The following SPEG variants were observed in gnomAD, a reference collection of about 807,000 sequenced individuals.
SPEG encodes striated muscle preferentially expressed protein kinase.
In SPEG, 114 loss-of-function variants were observed where a neutral mutation model predicts 300.4. The ratio of observed to expected loss-of-function variants is 0.38; its 90% confidence interval spans 0.33 to 0.44. The LOEUF is 0.44. Ranked by LOEUF, SPEG falls within the 20% of genes least tolerant of loss-of-function variation. The probability of loss-of-function intolerance (pLI) is 1.00; values close to 1 mark genes in which losing one functional copy is unlikely to be tolerated. For missense variants in SPEG, 4,201 were observed against 4,586.2 expected (o/e 0.92, Z 2.43); for synonymous variants, 1,964 against 2,018.9 (o/e 0.97, Z 0.73).
At chr2:219,441,083 A>G (rs1688887091) in intron 1 of SPEG, among the ~76,000 whole-genome samples, 2 of 152,232 alleles carry the variant, frequency 1.3e-5, no homozygotes, top group Admixed American at 6.5e-5. Flanking sequence ...AAATGAGGTA[A>G]CATTTGTAAA....
Position 219,451,376 on chromosome 2 carries a change from G to A in SPEG, c.2257+97G>A. 2 of 1,447,854 alleles carry A rather than the reference G, an allele frequency of 1.4e-6. No individual in the cohort carries two copies. The highest frequency in any genetic ancestry group is 1.8e-6 in the Non-Finnish European group (2 of 1,087,176). 89.7% of individuals were successfully genotyped at this position (1,447,854 alleles called of 1,614,324 possible). On this transcript the variant is annotated intron_variant, in intron 5 of 40. Coordinates refer to ENST00000312358, the MANE Select transcript of SPEG (RefSeq NM_005876.5). This position sits in a 1 kb window ranked among gnomAD's most constrained non-coding sequence, Gnocchi z 6.4. Reference sequence around the variant, plus strand: ...CCCCGGACTCCTCCAAGGGAGGGGTGGGAAAGAGGGGAATTATCCCCTCCA... The same window carrying A: ...CCCCGGACTCCTCCAAGGGAGGGGTAGGAAAGAGGGGAATTATCCCCTCCA...
In SPEG at chr2:219,489,849, G is replaced by C. The variant is rs1232417241; in HGVS notation, c.8831G>C (p.Ser2944Thr). Reference protein sequence around the residue: ...PAKEVVSSPGSSPRSSPRPEG... With the variant: ...PAKEVVSSPGTSPRSSPRPEG... ...AAGGAGGTGGTCAGCTCCCCTGGGAGCAGTCCCCGAAGCTCTCCCAGGCCT... is the reference window on the plus strand; with the variant it reads ...AAGGAGGTGGTCAGCTCCCCTGGGACCAGTCCCCGAAGCTCTCCCAGGCCT... The change falls in exon 36 of 41, where the codon AGC becomes ACC. Residue 2944 changes from serine to threonine, a missense_variant. Ser to Thr is a moderately conservative substitution (Grantham distance 58). Coordinates refer to ENST00000312358, the MANE Select transcript of SPEG (RefSeq NM_005876.5). The C allele has an allele frequency of 6.2e-7, 1 of 1,612,778 alleles. No homozygotes were observed. The highest frequency in any genetic ancestry group is 1.3e-5 in the African/African-American group (1 of 74,908).
In SPEG at chr2:219,445,244, A is replaced by G. The variant is rs1293589057; in HGVS notation, c.815+83A>G. 1 of 1,256,366 alleles carries G rather than the reference A, an allele frequency of 8.0e-7. No homozygotes were observed. The highest frequency in any genetic ancestry group is 1.1e-6 in the Non-Finnish European group (1 of 882,852). 77.8% of individuals were successfully genotyped at this position (1,256,366 alleles called of 1,614,324 possible). Reference sequence around the variant, plus strand: ...TGCCCTCACTGCTCAGTCAGCCTCCACCCATCACCCTGCCCCATCCATCTC... The same window carrying G: ...TGCCCTCACTGCTCAGTCAGCCTCCGCCCATCACCCTGCCCCATCCATCTC... On this transcript the variant is annotated intron_variant, in intron 3 of 40. Transcript: ENST00000312358. The surrounding 1 kb of genome is among the most constrained non-coding windows in gnomAD (Gnocchi z 6.1).
At position 219,488,196 on chromosome 2, in the gene SPEG, T is replaced by C. The variant is rs557038705; in HGVS notation, c.7744T>C (p.Phe2582Leu). ...GHQYVRSESD[F>L]PPVFHIKLKD... ...GGCTGTCTCTGCTTTTCCTCCAGAC[T>C]TCCCCCCAGTCTTCCACATCAAACT... The change falls in exon 32 of 41, where the codon TTC becomes CTC. Residue 2582 changes from phenylalanine (F) to leucine (L), a missense_variant and splice_region_variant. Physicochemically the swap from Phe to Leu is conservative, Grantham distance 22. This residue lies in a region of SPEG where 1,578 missense variants were observed against 1,506.0 expected (regional missense o/e 1.05). Transcript: ENST00000312358. The C allele has an allele frequency of 3.1e-6, 5 of 1,610,260 alleles. No individual in the cohort carries two copies. The highest frequency in any genetic ancestry group is 4.5e-5 in the East Asian group (2 of 44,754).
At chr2:219,466,435 T>C (rs1015264050) in intron 9 of SPEG, 23 of 1,249,606 alleles carry the variant, frequency 1.8e-5, no homozygotes, top group South Asian at 2.1e-5. Context: ...TGTCTGTGTG[T>C]CTGTGACAGT....
chr2:219,481,278 C>T lies in SPEG; in HGVS notation c.5370-26C>T, dbSNP rs774924669. ...TTCCCCTTTGTCCCCGCCTGCCCCT[C>T]ATGACAGCCCTCTTCACCCCTGCAG... On this transcript the variant is annotated intron_variant, in intron 26 of 40. Coordinates refer to ENST00000312358, the MANE Select transcript of SPEG (RefSeq NM_005876.5). This position sits in a 1 kb window ranked among gnomAD's most constrained non-coding sequence, Gnocchi z 5.4. The T allele has an allele frequency of 2.5e-6, 4 of 1,611,228 alleles. No homozygotes were observed. In the South Asian group the frequency reaches 4.4e-5, roughly 18 times the overall value.
At chr2:219,452,301 A>G (rs1232618032) in intron 6 of SPEG, among the ~76,000 whole-genome samples, 1 of 152,126 alleles carries the variant, frequency 6.6e-6, no homozygotes, top group Non-Finnish European at 1.5e-5. Flanking sequence ...CAAAGTTGTA[A>G]AAAGGGTACA....
rs369454020 is a variant in SPEG, at chr2:219,467,223, G to A, written c.2931G>A (p.Val977=). Residue 977 remains valine, a synonymous_variant, in exon 10 of 41, where the codon GTG becomes GTA. Transcript: ENST00000312358. ...CCGTGCTGGCCCCCCTGCAGGACGT[G>A]GACGTGGGGGCCGGGGAGATGGCGC... ...SLAVLAPLQD[V]DVGAGEMALF... 1.9e-5 allele frequency: 31 copies of A among 1,598,792 alleles called. No individual in the cohort carries two copies. Among genetic ancestry groups the A allele is most frequent in the Non-Finnish European group, 2.6e-5 (31 of 1,174,022 alleles).
rs2125218919 is a variant in SPEG at position 219,441,737 on chromosome 2, T to C, written c.389-2916T>C. On this transcript the variant is annotated intron_variant, in intron 1 of 40. Transcript: ENST00000312358. The stretch of plus-strand genomic sequence containing the variant: ...GGTGGGGGTCCGTGGCTCTCGGCGT[T>C]AGGAGGTGACCGGTGGTCGTGTAGG... 22 of 380,950 alleles carry C rather than the reference T, an allele frequency of 5.8e-5. 1 individual carries two copies. The highest frequency in any genetic ancestry group is 4.2e-4 in the South Asian group (22 of 52,072). 23.6% of individuals were successfully genotyped at this position (380,950 alleles called of 1,614,324 possible).
chr2:219,471,637 C>A (rs968889353), intron 13 of SPEG: 6 of 567,656 alleles, frequency 1.1e-5, no homozygotes, highest in Non-Finnish European at 1.9e-5. Flanking sequence ...GAGGGACAGA[C>A]CAGAGGGGCC....
rs1314505750 is a variant in SPEG at position 219,464,234 on chromosome 2, C to T, written c.2706-199C>T. Among the ~76,000 whole-genome samples, 1 of 152,024 alleles carries T rather than the reference C, an allele frequency of 6.6e-6. No homozygotes were observed. The highest frequency in any genetic ancestry group is 1.5e-5 in the Non-Finnish European group (1 of 68,002). ...GGCAGTTAGAAGTGACCTGGAAGCT[C>T]CTAGAGGTGGGTGGGATGGCAGAGT... On this transcript the variant is annotated intron_variant, in intron 8 of 40. Transcript: ENST00000312358. The surrounding 1 kb of genome is among the most constrained non-coding windows in gnomAD (Gnocchi z 4.5).
chr2:219,483,482 C>A lies in SPEG; in HGVS notation c.6019C>A (p.Arg2007=). The change falls in exon 30 of 41, where the codon CGG becomes AGG. Residue 2007 remains arginine, a synonymous_variant. Coordinates refer to ENST00000312358, the MANE Select transcript of SPEG (RefSeq NM_005876.5). ...QEPAAGASPR[R]GELRRGSSAE... ...GCCCGCAGCTGGGGCTAGCCCCAGG[C>A]GGGGAGAGCTCCGCAGGGGCAGCTC... The A allele has an allele frequency of 6.9e-7, 1 of 1,453,884 alleles. No individual in the cohort carries two copies. The highest frequency in any genetic ancestry group is 9.0e-7 in the Non-Finnish European group (1 of 1,114,312). 90.1% of individuals were successfully genotyped at this position (1,453,884 alleles called of 1,614,324 possible). A position where few individuals can be genotyped will look rare whatever the true frequency, so the allele number is the denominator to read the frequency against.
At position 219,445,002 on chromosome 2, in the gene SPEG, G is replaced by C. The variant is rs774031648; in HGVS notation, c.656G>C (p.Gly219Ala). The C allele has an allele frequency of 1.1e-4, 179 of 1,611,112 alleles. 1 individual carries two copies. The highest frequency in any genetic ancestry group is 5.6e-4 in the South Asian group (51 of 90,934). The part of the protein sequence containing the change: ...PGSPRQAQAT[G>A]AGPRHLGVEP... ...AGCCCAAGGCAAGCACAGGCAACCG[G>C]GGCCGGGCCACGGCACCTGGGGGTG... The change falls in exon 3 of 41, where the codon GGG becomes GCG. Residue 219 changes from glycine (G) to alanine (A), a missense_variant. Physicochemically the swap from Gly to Ala is moderately conservative, Grantham distance 60. Transcript: ENST00000312358. The surrounding 1 kb of genome is among the most constrained non-coding windows in gnomAD (Gnocchi z 6.1).
intron 10 of SPEG, 131 bp downstream of exon 10, chr2:219,467,565 A>G (rs2125458222): frequency 1.9e-6 from 2 of 1,054,686 alleles, no homozygotes; most frequent in Non-Finnish European, 2.7e-6. Flanking sequence ...GGTGGGAGCT[A>G]GTACATTGCC....
At chr2:219,436,087 G>T (rs1359021239) in intron 1 of SPEG, among the ~76,000 whole-genome samples, 1 of 152,246 alleles carries the variant, frequency 6.6e-6, no homozygotes, top group African/African-American at 2.4e-5. Context: ...GCTGGAATGG[G>T]AAGCTCCTGG....
chr2:219,452,142 T>C (rs1689809016), intron 6 of SPEG, among the ~76,000 whole-genome samples: 1 of 152,164 alleles, frequency 6.6e-6, no homozygotes, highest in African/African-American at 2.4e-5. Context: ...GTCCTTGAGT[T>C]TCCGAGAAGA....
intron 8 of SPEG, among the ~76,000 whole-genome samples, 172 bp downstream of exon 8, chr2:219,462,558 C>T (rs1279318251): frequency 1.3e-5 from 2 of 152,234 alleles, no homozygotes; most frequent in East Asian, 3.8e-4. Flanking sequence ...TGTCCCTTGC[C>T]CCATGTTCCA....
chr2:219,435,758 G>C (rs1438280012), intron 1 of SPEG, among the ~76,000 whole-genome samples: 1 of 152,238 alleles, frequency 6.6e-6, no homozygotes, highest in African/African-American at 2.4e-5. Context: ...CCTTAACAGG[G>C]GAGTCCATGT....
intron 30 of SPEG, 42 bp downstream of exon 30, chr2:219,485,114 T>TG: frequency 6.6e-7 from 1 of 1,514,228 alleles, no homozygotes; most frequent in Admixed American, 2.0e-5. Context: ...CAGAGGAGGG[T>TG]GGGGTGCGCT....
Sources: gnomAD v4.1 joint callset for allele counts (sites outside exome capture counted in the v4.1 genomes callset) on GRCh38, gnomAD v4.1.1 for gene constraint, gnomAD v4.1.1 regional missense constraint, Gnocchi (gnomAD v3.1) non-coding constraint, MANE v1.5 for transcripts, NCBI Gene and HGNC (gene_info 2026-07-23, HGNC 2026-07-21) for gene names.